The following CFAP46 variants were observed in gnomAD, a reference collection of about 807,000 sequenced individuals.
The protein encoded by CFAP46 is cilia- and flagella-associated protein 46.
Under a neutral mutation model 325.7 loss-of-function variants are expected in CFAP46, and 245 were observed. The observed-to-expected ratio is 0.75, with a 90% CI of 0.68 to 0.84. The LOEUF is 0.84. CFAP46 is among the 40% of genes least tolerant of loss of function. The pLI, the probability that CFAP46 is intolerant of heterozygous loss-of-function variation, is 0.00. For synonymous variants in CFAP46, 1,523 were observed against 1,495.9 expected, an observed-to-expected ratio of 1.02 and a Z score of -0.42; for missense variants, 3,346 against 3,543.0, an observed-to-expected ratio of 0.94 and a Z score of 1.41.
At chr10:132,821,277 TGA>T (rs1424369200) in intron 50 of CFAP46, among the ~76,000 whole-genome samples, 26 of 139,474 alleles carry the variant, frequency 1.9e-4, no homozygotes, top group African/African-American at 6.2e-4. Flanking sequence ...GTGTGCTGTG[TGA>T]GTGCTGATGT....
In CFAP46 at chr10:132,892,376, G is replaced by T; in HGVS notation, c.3261C>A (p.Ala1087=). 6.4e-7 allele frequency: 1 copy of T among 1,550,900 alleles called. No individual in the cohort carries two copies. Among genetic ancestry groups the T allele is most frequent in the Non-Finnish European group, 8.7e-7 (1 of 1,147,082 alleles). Residue 1087 remains alanine (A), a synonymous_variant, in exon 25 of 58, where the codon GCC becomes GCA. Transcript: ENST00000368586. ...CGGTCGTCCCGCCACCCTGGAAGTC[G>T]GCCGTGGGCCACTGGTGCAGAAGCA... is the stretch of plus-strand genomic sequence containing the variant. ...KTLLLHQWPT[A]DFQGGGTTEG...
intron 22 of CFAP46, among the ~76,000 whole-genome samples, chr10:132,901,503 C>T (rs1174841765): frequency 1.3e-5 from 2 of 152,220 alleles, no homozygotes; most frequent in East Asian, 3.8e-4. Context: ...ACGGCTCTAC[C>T]TCACCTGAGT....
chr10:132,907,320 T>C (rs1435903725), intron 22 of CFAP46, among the ~76,000 whole-genome samples: 1 of 152,238 alleles, frequency 6.6e-6, no homozygotes, highest in East Asian at 1.9e-4. Context: ...AACAGCCTCA[T>C]ATTCAAAAAT....
At chr10:132,926,142 C>T (rs1333620133) in intron 10 of CFAP46, among the ~76,000 whole-genome samples, 4 of 152,218 alleles carry the variant, frequency 2.6e-5, no homozygotes, top group Admixed American at 6.5e-5. Flanking sequence ...TGGCACCTGA[C>T]GCCAGGGCCG....
rs573564483 is a variant in CFAP46 at position 132,904,935 on chromosome 10, C to T, written c.2924+3533G>A. Among the ~76,000 whole-genome samples the T allele has an allele frequency of 1.6e-4, 24 of 152,204 alleles. 1 individual carries two copies. In the South Asian group the frequency reaches 4.2e-3, roughly 26 times the overall value. On this transcript the variant is annotated intron_variant, in intron 22 of 57. Transcript: ENST00000368586. ...CCAACTGACTTGTGTGGCCAGTGAC[C>T]GCATGACACTTAATCCCCACCTATC...
At position 132,860,128 on chromosome 10, in the gene CFAP46, A is replaced by G. The variant is rs569334184; in HGVS notation, c.5198+289T>C. Among the ~76,000 whole-genome samples the G allele has an allele frequency of 1.8e-3, 268 of 152,380 alleles. 1 individual carries two copies. The highest frequency in any genetic ancestry group is 6.2e-3 in the African/African-American group (256 of 41,596). On this transcript the variant is annotated intron_variant, in intron 37 of 57. Coordinates refer to ENST00000368586, the MANE Select transcript of CFAP46 (RefSeq NM_001200049.3). ...CTACAAATTTATACCGACACACCACAGACTTAGAGGAAAAGGTTTCCCAGG... is the reference window on the plus strand; with the variant it reads ...CTACAAATTTATACCGACACACCACGGACTTAGAGGAAAAGGTTTCCCAGG...
At chr10:132,815,650 G>A (rs1041657929) in intron 50 of CFAP46, among the ~76,000 whole-genome samples, 2 of 152,192 alleles carry the variant, frequency 1.3e-5, no homozygotes, top group Admixed American at 6.5e-5. Flanking sequence ...GGCCCGGCAC[G>A]TGGCTTATGC....
chr10:132,822,202 G>C lies in CFAP46; in HGVS notation c.7118-7288C>G, dbSNP rs567176382. 8.5e-5 allele frequency among the ~76,000 whole-genome samples: 12 copies of C among 141,188 alleles called. 1 individual carries two copies. The South Asian group carries it at 1.3e-3, about 15-fold the overall frequency. The allele number at this position is 141,188 out of a possible 152,430, so 92.6% of individuals were successfully genotyped here. Reference sequence around the variant, plus strand: ...TGTGCTGATGTGTGCACTGTGTGCTGTGTGTGTGCTGATGTGTGCTGTGTG... The same window carrying C: ...TGTGCTGATGTGTGCACTGTGTGCTCTGTGTGTGCTGATGTGTGCTGTGTG... On this transcript the variant is annotated intron_variant, in intron 50 of 57. Transcript: ENST00000368586.
chr10:132,859,655 G>T (rs1219481112), intron 37 of CFAP46, among the ~76,000 whole-genome samples: 2 of 152,172 alleles, frequency 1.3e-5, no homozygotes, highest in Admixed American at 6.5e-5. Context: ...CAGGCATGAG[G>T]CCGCCGCCCC....
At chr10:132,894,237 C>G (rs1564792824) in intron 24 of CFAP46, among the ~76,000 whole-genome samples, 1 of 152,262 alleles carries the variant, frequency 6.6e-6, no homozygotes. Context: ...AAGTCTGCAA[C>G]TGCTCCCCTA....
intron 55 of CFAP46, 139 bp from the exon 56 acceptor site, chr10:132,811,170 A>G (rs1408054307): frequency 2.7e-6 from 2 of 730,230 alleles, no homozygotes; most frequent in Non-Finnish European, 4.6e-6. Context: ...CTCCGACCTC[A>G]TGACCGTCAG....
In CFAP46 at chr10:132,898,865, GGTCT is replaced by G. The variant is rs1564794139; in HGVS notation, c.3219+90_3219+93del. On this transcript the variant is annotated intron_variant, in intron 24 of 57. Transcript: ENST00000368586. ...GGTGCACCCTCTGGGAGGCCTGTGG[GGTCT>G]GTCTTTCTTTGGGAGTCTCTCCGGT... 1.4e-5 allele frequency: 20 copies of G among 1,461,864 alleles called. No individual in the cohort carries two copies. In the Admixed American group the frequency reaches 2.8e-4, roughly 20 times the overall value. 90.6% of individuals were successfully genotyped at this position (1,461,864 alleles called of 1,614,324 possible).
At position 132,869,066 on chromosome 10, in the gene CFAP46, C is replaced by A. The variant is rs926436929; in HGVS notation, c.4610+208G>T. 2.6e-5 allele frequency among the ~76,000 whole-genome samples: 4 copies of A among 152,212 alleles called. No individual in the cohort carries two copies. Among genetic ancestry groups the A allele is most frequent in the African/African-American group, 9.6e-5 (4 of 41,458 alleles). On this transcript the variant is annotated intron_variant, in intron 33 of 57. Coordinates refer to ENST00000368586, the MANE Select transcript of CFAP46 (RefSeq NM_001200049.3). The surrounding 1 kb of genome is among the most constrained non-coding windows in gnomAD (Gnocchi z 6.2). The stretch of plus-strand genomic sequence containing the variant: ...CCACCCTGGAGAGCCCCCCTCACCG[C>A]CCCTCCCTCCCTCTGTGAGGAGCAC...
chr10:132,860,603 G>T, intron 36 of CFAP46, 80 bp from the exon 37 acceptor site: 1 of 1,231,404 alleles, frequency 8.1e-7, no homozygotes, highest in South Asian at 1.3e-5. Context: ...GGCGGGCAGG[G>T]ACAGATACGG....
At chr10:132,840,707 CGTAA>C (rs1406306867) in intron 44 of CFAP46, among the ~76,000 whole-genome samples, 5 of 152,292 alleles carry the variant, frequency 3.3e-5, no homozygotes, top group South Asian at 2.1e-4. Context: ...ATTTGATCAT[CGTAA>C]GTAACTGTTT....
chr10:132,832,840 A>G lies in CFAP46; in HGVS notation c.7117+518T>C. The G allele has an allele frequency of 2.1e-6, 1 of 470,308 alleles. No individual in the cohort carries two copies. The highest frequency in any genetic ancestry group is 4.4e-6 in the Non-Finnish European group (1 of 226,488). 29.1% of individuals were successfully genotyped at this position (470,308 alleles called of 1,614,324 possible). The stretch of plus-strand genomic sequence containing the variant: ...CGGAGAGGCTGGCTGTTTACTACAC[A>G]TCTGGTCCCCTCCTTTGAAACAGGT... On this transcript the variant is annotated intron_variant, in intron 50 of 57. Coordinates refer to ENST00000368586, the MANE Select transcript of CFAP46 (RefSeq NM_001200049.3). This position sits in a 1 kb window ranked among gnomAD's most constrained non-coding sequence, Gnocchi z 4.1.
intron 17 of CFAP46, among the ~76,000 whole-genome samples, chr10:132,916,308 T>A (rs1270201309): frequency 2.6e-5 from 4 of 152,182 alleles, no homozygotes; most frequent in African/African-American, 7.2e-5. Flanking sequence ...TTCCTCGTAG[T>A]AACAGCAAAC....
At chr10:132,890,157 T>TC (rs1285765805) in intron 25 of CFAP46, among the ~76,000 whole-genome samples, 3 of 152,104 alleles carry the variant, frequency 2.0e-5, no homozygotes, top group Non-Finnish European at 4.4e-5. Flanking sequence ...AAAACCCCCC[T>TC]CCACAGCCTC....
intron 50 of CFAP46, among the ~76,000 whole-genome samples, chr10:132,831,510 C>A (rs1357351059): frequency 6.6e-6 from 1 of 152,184 alleles, no homozygotes; most frequent in Non-Finnish European, 1.5e-5. Flanking sequence ...TAGCCCTGGT[C>A]ACATTCCCAG....
Sources: gnomAD v4.1 joint callset for allele counts (sites outside exome capture counted in the v4.1 genomes callset) on GRCh38, gnomAD v4.1.1 for gene constraint, Gnocchi (gnomAD v3.1) non-coding constraint, MANE v1.5 for transcripts, NCBI Gene and HGNC (gene_info 2026-07-23, HGNC 2026-07-21) for gene names.